DHCR7: variants seen among roughly 807,000 people sequenced by gnomAD.
DHCR7 encodes 7-dehydrocholesterol reductase.
In DHCR7, 40 loss-of-function variants were observed where a neutral mutation model predicts 43.3. The observed-to-expected ratio is 0.92, with a 90% CI of 0.72 to 1.20. The LOEUF (loss-of-function observed/expected upper bound fraction) is 1.20. Among genes scored for constraint, DHCR7 ranks in the 50% most tolerant of loss-of-function variants. The pLI, the probability that DHCR7 is intolerant of heterozygous loss-of-function variation, is 0.00. For missense variants in DHCR7, 608 were observed against 644.6 expected, an observed-to-expected ratio of 0.94 and a Z score of 0.62; for synonymous variants, 298 against 271.4, an observed-to-expected ratio of 1.10 and a Z score of -0.96.
chr11:71,428,108 T>A (rs572346885), downstream of DHCR7: 1 of 152,214 alleles, frequency 6.6e-6, no homozygotes, highest in Non-Finnish European at 1.5e-5. Context: ...CTTTCCTTCA[T>A]AAAAATCTTG....
rs185063791 is a variant in DHCR7 at position 71,428,581 on chromosome 11, C to A, written c.*242G>T. 15 of 262,844 alleles carry A rather than the reference C, an allele frequency of 5.7e-5. No homozygotes were observed. In the East Asian group the frequency reaches 1.4e-3, roughly 25 times the overall value. 16.3% of individuals were successfully genotyped at this position (262,844 alleles called of 1,614,324 possible). The stretch of plus-strand genomic sequence containing the variant: ...GCCTTGAACTTGCAGCCATTTCGCA[C>A]ATGGCAGGATATAACTGTGAGGACA... On this transcript the variant is annotated 3_prime_UTR_variant, in exon 3 of 3. Transcript: ENST00000534795.
chr11:71,430,873 G>A (rs1289152390), downstream of DHCR7, among the ~76,000 whole-genome samples: 21 of 152,158 alleles, frequency 1.4e-4, no homozygotes, highest in Admixed American at 1.4e-3. Flanking sequence ...GTTAAAACTA[G>A]GCTGGGCACG....
Position 71,438,974 on chromosome 11 carries a change from C to T in DHCR7, c.736G>A (p.Val246Ile), listed in dbSNP as rs759967245. 6.1e-5 allele frequency: 98 copies of T among 1,614,086 alleles called. No homozygotes were observed. Among genetic ancestry groups the T allele is most frequent in the Middle Eastern group, 3.3e-4 (2 of 6,062 alleles). ...KLFFNGRPGI[V>I]AWTLINLSFA... is the part of the protein sequence containing the mutation. Reference sequence around the variant, plus strand: ...GACAGGTTGATGAGGGTCCAGGCGACGATCCCGGGGCGCCCATTGAAGAAC... The same window carrying T: ...GACAGGTTGATGAGGGTCCAGGCGATGATCCCGGGGCGCCCATTGAAGAAC... Residue 246 changes from valine to isoleucine, a missense_variant, in exon 7 of 9, where the codon GTC (valine) becomes ATC (isoleucine). Transcript: ENST00000355527.
chr11:71,441,560 C>T, intron 5 of DHCR7, 120 bp from the exon 6 acceptor site: 1 of 886,388 alleles, frequency 1.1e-6, no homozygotes, highest in South Asian at 1.4e-5. Flanking sequence ...TGCTGCGGAC[C>T]CTCATCTGGG....
chr11:71,441,420 T>G lies in DHCR7; in HGVS notation c.433A>C (p.Ile145Leu), dbSNP rs1555146475. 1 of 1,613,468 alleles carries G rather than the reference T, an allele frequency of 6.2e-7. No individual in the cohort carries two copies. The highest frequency in any genetic ancestry group is 8.5e-7 in the Non-Finnish European group (1 of 1,179,592). Residue 145 changes from isoleucine (I) to leucine (L), a missense_variant, in exon 6 of 9, where the codon ATC becomes CTC. Transcript: ENST00000355527. ...AGGAGCCAGGCTTGCAGGCCATTGA[T>G]CTGATACTTGTTCACAACCCCTGCA... is the stretch of plus-strand genomic sequence containing the variant. The part of the protein sequence containing the change: ...TPAGVVNKYQ[I>L]NGLQAWLLTH...
In DHCR7 at chr11:71,437,954, G is replaced by A; in HGVS notation, c.832-11C>T. 1.2e-6 allele frequency: 2 copies of A among 1,612,008 alleles called. No homozygotes were observed. The highest frequency in any genetic ancestry group is 1.1e-5 in the South Asian group (1 of 91,092). ...AATCACGTAGATGGCCTGCAAGACAGAAGCAGCCGCTGACCACCCCCGGCC... is the reference window on the plus strand; with the variant it reads ...AATCACGTAGATGGCCTGCAAGACAAAAGCAGCCGCTGACCACCCCCGGCC... On this transcript the variant is annotated splice_polypyrimidine_tract_variant and intron_variant, in intron 7 of 8. Coordinates refer to ENST00000355527, the MANE Select transcript of DHCR7 (RefSeq NM_001360.3).
At chr11:71,445,045 G>A in intron 2 of DHCR7, 87 bp from the exon 3 acceptor site, 1 of 1,144,280 alleles carries the variant, frequency 8.7e-7, no homozygotes, top group Non-Finnish European at 1.3e-6. Context: ...TCCTGGGCCT[G>A]GCAGGGCTGG....
Position 71,435,575 on chromosome 11 carries a change from C to T in DHCR7, c.1228G>A (p.Gly410Ser), listed in dbSNP as rs80338862. 3.4e-5 allele frequency: 54 copies of T among 1,610,856 alleles called. No individual in the cohort carries two copies. The highest frequency in any genetic ancestry group is 2.3e-4 in the Admixed American group (14 of 59,974). Reference protein sequence around the residue: ...WGVARHFNYVGDLMGSLAYCL... With the variant: ...WGVARHFNYVSDLMGSLAYCL... ...TAGGCCAGGCTGCCCATCAGGTCGCCGACGTAGTTGAAGTGGCGGGCCACG... is the reference window on the plus strand; with the variant it reads ...TAGGCCAGGCTGCCCATCAGGTCGCTGACGTAGTTGAAGTGGCGGGCCACG... Residue 410 changes from glycine to serine, a missense_variant, in exon 9 of 9, where the codon GGC becomes AGC. Gly to Ser is a moderately conservative substitution (Grantham distance 56). Coordinates refer to ENST00000355527, the MANE Select transcript of DHCR7 (RefSeq NM_001360.3).
downstream of DHCR7, among the ~76,000 whole-genome samples, chr11:71,430,202 G>A (rs970853637): frequency 1.3e-5 from 2 of 152,134 alleles, no homozygotes; most frequent in Non-Finnish European, 1.5e-5. Context: ...AAATCTGGCC[G>A]GGCTGTGGCC....
At chr11:71,432,002 T>C (rs1463528968), downstream of DHCR7, among the ~76,000 whole-genome samples, 1 of 152,178 alleles carries the variant, frequency 6.6e-6, no homozygotes, top group African/African-American at 2.4e-5. Context: ...TTTTTAATTG[T>C]TTTTACAGAG....
chr11:71,440,905 C>T (rs1236342732), intron 6 of DHCR7, among the ~76,000 whole-genome samples: 4 of 152,080 alleles, frequency 2.6e-5, no homozygotes, highest in South Asian at 2.1e-4. Context: ...CCAGCTTATC[C>T]AAAGAAAGAG....
At chr11:71,438,239 C>T (rs373523169) in intron 7 of DHCR7, among the ~76,000 whole-genome samples, 4 of 152,184 alleles carry the variant, frequency 2.6e-5, no homozygotes, top group African/African-American at 9.6e-5. Flanking sequence ...ATACATTCAT[C>T]CCATCCAGGT....
intron 5 of DHCR7, 40 bp downstream of exon 5, chr11:71,442,223 G>A (rs781025347): frequency 4.1e-6 from 6 of 1,466,298 alleles, no homozygotes; most frequent in African/African-American, 2.8e-5. Flanking sequence ...AGAAAGGGAT[G>A]AGAACGGGAG....
downstream of DHCR7, among the ~76,000 whole-genome samples, chr11:71,433,973 G>A (rs940289963): frequency 2.6e-5 from 4 of 152,228 alleles, no homozygotes; most frequent in Admixed American, 2.0e-4. Context: ...TCTGGGAGGC[G>A]GCCTGGCTGT....
intron 3 of DHCR7, among the ~76,000 whole-genome samples, 189 bp from the exon 4 acceptor site, chr11:71,444,404 T>C (rs1307925578): frequency 6.6e-6 from 1 of 152,154 alleles, no homozygotes; most frequent in East Asian, 1.9e-4. Flanking sequence ...TCTACTGTAG[T>C]TGATTAACTG....
downstream of DHCR7, among the ~76,000 whole-genome samples, chr11:71,433,961 T>C (rs1276697057): frequency 6.6e-6 from 1 of 152,236 alleles, no homozygotes; most frequent in Non-Finnish European, 1.5e-5. Context: ...CCCTCCAGGC[T>C]GTCTGGGAGG....
chr11:71,444,355 G>A, intron 3 of DHCR7, 140 bp from the exon 4 acceptor site: 1 of 719,132 alleles, frequency 1.4e-6, no homozygotes, highest in South Asian at 1.6e-5. Flanking sequence ...CCTAGCACGG[G>A]CCCTCCTTGC....
rs772940271 is a variant in DHCR7 at position 71,442,267 on chromosome 11, A to C, written c.408T>G (p.Pro136=). 2.4e-5 allele frequency: 38 copies of C among 1,612,368 alleles called. 1 individual carries two copies. The highest frequency in any genetic ancestry group is 1.7e-6 in the Non-Finnish European group (2 of 1,179,028). ...GGGTGGAAGGGAGGAGGCTACCTGC[A>C]GGAGTCACGGCCCCCTCCTGGATGC... ...VGGIQEGAVT[P]AGVVNKYQIN... is the part of the protein sequence containing the mutation. Residue 136 remains proline (P), a synonymous_variant, in exon 5 of 9, where the codon CCT becomes CCG. Coordinates refer to ENST00000355527, the MANE Select transcript of DHCR7 (RefSeq NM_001360.3).
At chr11:71,434,096 C>T (rs181418664), downstream of DHCR7, among the ~76,000 whole-genome samples, 1 of 152,236 alleles carries the variant, frequency 6.6e-6, no homozygotes, top group Non-Finnish European at 1.5e-5. Flanking sequence ...CAAGACAAAC[C>T]TGGCACTCTT....
Sources: allele counts gnomAD v4.1 joint callset (sites outside exome capture counted in the v4.1 genomes callset), GRCh38; gene constraint gnomAD v4.1.1; transcripts MANE v1.5; gene names NCBI Gene and HGNC (gene_info 2026-07-23, HGNC 2026-07-21).